RBMS1: variants seen among roughly 807,000 people sequenced by gnomAD.
RBMS1 encodes the protein RNA binding motif single stranded interacting protein 1.
A neutral mutation model predicts 62.3 loss-of-function variants in RBMS1; 17 were observed. The observed-to-expected ratio is 0.27, with a 90% CI of 0.19 to 0.41. The LOEUF (loss-of-function observed/expected upper bound fraction) is 0.41. RBMS1 is among the 10% of genes least tolerant of loss of function. The probability of loss-of-function intolerance (pLI) is 1.00; values close to 1 mark genes in which losing one functional copy is unlikely to be tolerated. For synonymous variants in RBMS1, 172 were observed against 170.0 expected (o/e 1.01, Z -0.09); for missense variants, 334 against 504.5 (o/e 0.66, Z 3.24).
intron 1 of RBMS1, among the ~76,000 whole-genome samples, chr2:160,413,403 T>C (rs994167907): frequency 6.6e-6 from 1 of 152,212 alleles, no homozygotes; most frequent in African/African-American, 2.4e-5. Context: ...TCGTACAAAA[T>C]AGAGTTGATA....
chr2:160,301,727 A>G (rs908373735), intron 5 of RBMS1, among the ~76,000 whole-genome samples: 4 of 152,364 alleles, frequency 2.6e-5, no homozygotes, highest in South Asian at 4.1e-4. Flanking sequence ...AGAAACAGCA[A>G]TGAACTAAAA....
Position 160,423,964 on chromosome 2 carries a change from G to T in RBMS1, c.76-56573C>A, listed in dbSNP as rs763257856. On this transcript the variant is annotated intron_variant, in intron 1 of 13. Transcript: ENST00000348849. Reference sequence around the variant, plus strand: ...TGCCTTGTACACTGTTACAACTCTAGAAAGAAAAGTTATTTAAAATTTATT... The same window carrying T: ...TGCCTTGTACACTGTTACAACTCTATAAAGAAAAGTTATTTAAAATTTATT... Among the ~76,000 whole-genome samples the T allele has an allele frequency of 2.0e-5, 3 of 151,304 alleles. No homozygotes were observed. In the South Asian group the frequency reaches 6.2e-4, roughly 31 times the overall value.
intron 4 of RBMS1, among the ~76,000 whole-genome samples, chr2:160,305,984 C>T (rs1220730792): frequency 6.6e-6 from 1 of 151,982 alleles, no homozygotes; most frequent in Non-Finnish European, 1.5e-5. Flanking sequence ...AAAAAGTCAG[C>T]GAGATGTAGT....
chr2:160,424,731 T>G (rs1696576009), intron 1 of RBMS1, among the ~76,000 whole-genome samples: 1 of 152,150 alleles, frequency 6.6e-6, no homozygotes, highest in Non-Finnish European at 1.5e-5. Context: ...ACTATATGAA[T>G]AGCAGAAATT....
At chr2:160,437,521 T>C (rs750765856) in intron 1 of RBMS1, among the ~76,000 whole-genome samples, 15 of 152,160 alleles carry the variant, frequency 9.9e-5, no homozygotes, top group South Asian at 2.1e-4. Flanking sequence ...TCAGTAACAG[T>C]GAAGGAGTAA....
intron 4 of RBMS1, among the ~76,000 whole-genome samples, 191 bp from the exon 5 acceptor site, chr2:160,303,678 C>T (rs1027943262): frequency 2.6e-5 from 4 of 152,164 alleles, no homozygotes; most frequent in African/African-American, 4.8e-5. Context: ...AGGCCAGACA[C>T]GATCCCACCA....
intron 2 of RBMS1, among the ~76,000 whole-genome samples, chr2:160,325,621 C>G (rs1690878442): frequency 6.6e-6 from 1 of 152,132 alleles, no homozygotes. Flanking sequence ...CTTGCTTTAG[C>G]TCTTTCAACA....
intron 1 of RBMS1, among the ~76,000 whole-genome samples, chr2:160,380,798 A>T (rs1437380565): frequency 6.6e-6 from 1 of 152,160 alleles, no homozygotes; most frequent in Admixed American, 6.5e-5. Flanking sequence ...GGGGAAGTCC[A>T]CCCACACCCT....
chr2:160,344,320 A>G (rs1692056287), intron 2 of RBMS1, among the ~76,000 whole-genome samples: 1 of 152,190 alleles, frequency 6.6e-6, no homozygotes, highest in Admixed American at 6.5e-5. Flanking sequence ...TTATTCCTCT[A>G]GAAGTTTTAA....
intron 1 of RBMS1, among the ~76,000 whole-genome samples, chr2:160,399,058 C>A (rs999509526): frequency 4.6e-5 from 7 of 152,206 alleles, no homozygotes; most frequent in African/African-American, 1.7e-4. Flanking sequence ...CTAACCTGAA[C>A]TACCCACTAC....
At chr2:160,423,659 C>T (rs1405833165) in intron 1 of RBMS1, among the ~76,000 whole-genome samples, 3 of 152,160 alleles carry the variant, frequency 2.0e-5, no homozygotes, top group South Asian at 2.1e-4. Context: ...TTCTTTTCCA[C>T]GTATGATCTC....
intron 1 of RBMS1, among the ~76,000 whole-genome samples, chr2:160,414,273 T>C (rs192216144): frequency 5.3e-5 from 8 of 152,362 alleles, no homozygotes; most frequent in African/African-American, 1.7e-4. Flanking sequence ...GTTGCTAAGG[T>C]ATAACTTCTC....
At chr2:160,489,515 T>C (rs1180752140) in intron 1 of RBMS1, among the ~76,000 whole-genome samples, 1 of 152,064 alleles carries the variant, frequency 6.6e-6, no homozygotes, top group African/African-American at 2.4e-5. Context: ...TAGAAGTAAG[T>C]AAGAGTTAAG....
At chr2:160,466,708 A>G (rs1221694547) in intron 1 of RBMS1, among the ~76,000 whole-genome samples, 1 of 152,240 alleles carries the variant, frequency 6.6e-6, no homozygotes. Context: ...ATTGTGGATA[A>G]GTAACTTAAG....
At chr2:160,287,173 C>T in intron 6 of RBMS1, 89 bp from the exon 7 acceptor site, 16 of 1,533,626 alleles carry the variant, frequency 1.0e-5, no homozygotes, top group Admixed American at 3.5e-5. Context: ...ATAGTGTTCA[C>T]GCTATTAGAA....
chr2:160,285,008 C>T lies in RBMS1; in HGVS notation c.793G>A (p.Ala265Thr). Residue 265 changes from alanine to threonine, a missense_variant, in exon 8 of 14, where the codon GCT (alanine) becomes ACT (threonine). Physicochemically the swap from Ala to Thr is moderately conservative, Grantham distance 58. Around this residue, in one of 3 missense-constraint regions of RBMS1, gnomAD observed 182 missense variants for 257.7 expected, o/e 0.71. Transcript: ENST00000348849. ...TTAACGACATACCCGTTCTGTATAGCAGCTGTAGTTGGGTCGTAAGTAAGT... is the reference window on the plus strand; with the variant it reads ...TTAACGACATACCCGTTCTGTATAGTAGCTGTAGTTGGGTCGTAAGTAAGT... ...MTLTYDPTTA[A>T]IQNGFYPSPY... The T allele has an allele frequency of 6.2e-7, 1 of 1,613,302 alleles. No homozygotes were observed.
intron 3 of RBMS1, among the ~76,000 whole-genome samples, chr2:160,317,183 G>A (rs1690271884): frequency 6.6e-6 from 1 of 152,156 alleles, no homozygotes; most frequent in African/African-American, 2.4e-5. Flanking sequence ...GAAATACAAT[G>A]AACCACTTCA....
At chr2:160,443,065 G>C (rs1245007523) in intron 1 of RBMS1, among the ~76,000 whole-genome samples, 1 of 152,092 alleles carries the variant, frequency 6.6e-6, no homozygotes, top group Non-Finnish European at 1.5e-5. Flanking sequence ...AATTAGCCGG[G>C]TGTGGTGGCG....
At chr2:160,432,697 T>G (rs1395590750) in intron 1 of RBMS1, among the ~76,000 whole-genome samples, 1 of 152,118 alleles carries the variant, frequency 6.6e-6, no homozygotes, top group Non-Finnish European at 1.5e-5. Context: ...GTATAAGGAA[T>G]GTAAGATGTT....
Sources: gnomAD v4.1 joint callset for allele counts (sites outside exome capture counted in the v4.1 genomes callset) on GRCh38, gnomAD v4.1.1 for gene constraint, gnomAD v4.1.1 regional missense constraint, MANE v1.5 for transcripts, NCBI Gene and HGNC (gene_info 2026-07-23, HGNC 2026-07-21) for gene names.